Variants in SPX observed in about 807,000 individuals in gnomAD.
The protein encoded by SPX is spexin.
Under a neutral mutation model 19.2 loss-of-function variants are expected in SPX, and 22 were observed. That is an observed-to-expected ratio of 1.15 (90% CI 0.82 to 1.64). The LOEUF (loss-of-function observed/expected upper bound fraction) is 1.64. Ranked by LOEUF, SPX falls within the 40% of genes most tolerant of loss-of-function variation. The pLI, the probability that SPX is intolerant of heterozygous loss-of-function variation, is 0.00. For missense variants in SPX, 143 were observed against 137.7 expected, an observed-to-expected ratio of 1.04 and a Z score of -0.19; for synonymous variants, 50 against 53.3, an observed-to-expected ratio of 0.94 and a Z score of 0.27.
intron 4 of SPX, chr12:21,528,026 G>C (rs1591768681): frequency 1.9e-6 from 1 of 527,242 alleles, no homozygotes; most frequent in South Asian, 2.3e-5. Context: ...ATGGTGGCAA[G>C]GGCGGCCCAG....
chr12:21,528,379 A>G (rs1943834863), intron 4 of SPX, among the ~76,000 whole-genome samples: 1 of 152,214 alleles, frequency 6.6e-6, no homozygotes, highest in Admixed American at 6.5e-5. Context: ...GTTCTTTTTC[A>G]TGATAAACCT....
At chr12:21,528,598 G>T (rs1943836638) in intron 4 of SPX, among the ~76,000 whole-genome samples, 1 of 152,184 alleles carries the variant, frequency 6.6e-6, no homozygotes, top group Non-Finnish European at 1.5e-5. Flanking sequence ...CTCAACTTCA[G>T]TTGCCCCAAA....
chr12:21,527,238 T>C, intron 3 of SPX, 46 bp downstream of exon 3: 1 of 1,541,750 alleles, frequency 6.5e-7, no homozygotes, highest in Non-Finnish European at 9.0e-7. Context: ...GGAAGACCCC[T>C]AGGAGTCAGG....
Position 21,532,330 on chromosome 12 carries a change from C to T in SPX, c.*1135C>T, listed in dbSNP as rs1343025195. On this transcript the variant is annotated 3_prime_UTR_variant, in exon 6 of 6. Transcript: ENST00000256969. ...TCAGTATTTAGCCATTATTTAGTAG[C>T]TCAAGAATATCTTTATGTGAATGTC... 1 of 152,150 alleles carries T rather than the reference C, an allele frequency of 6.6e-6. No individual in the cohort carries two copies. The highest frequency in any genetic ancestry group is 2.4e-5 in the African/African-American group (1 of 41,438). The allele number at this position is 152,150 out of a possible 1,614,324, so 9.4% of individuals were successfully genotyped here.
chr12:21,526,930 G>A lies in SPX; in HGVS notation c.51G>A (p.Val17=), dbSNP rs751007811. The change falls in exon 2 of 6, where the codon GTG becomes GTA. Residue 17 remains valine, a synonymous_variant. Coordinates refer to ENST00000256969, the MANE Select transcript of SPX (RefSeq NM_030572.4). ...CAACAACCTTGGCTCTTTTCCTGGT[G>A]TTTGTTTTCCTGGGAAACTCCAGCT... ...LAATTLALFL[V]FVFLGNSSCA... is the part of the protein sequence containing the mutation. The A allele has an allele frequency of 4.3e-6, 7 of 1,614,080 alleles. No homozygotes were observed. Among genetic ancestry groups the A allele is most frequent in the Middle Eastern group, 1.6e-4 (1 of 6,084 alleles).
chr12:21,527,978 C>T (rs1003794381), intron 4 of SPX, 189 bp downstream of exon 4: 28 of 597,730 alleles, frequency 4.7e-5, no homozygotes, highest in Non-Finnish European at 7.6e-5. Flanking sequence ...GGATGCCGAG[C>T]GCCGGAGCTG....
intron 5 of SPX, among the ~76,000 whole-genome samples, chr12:21,530,812 G>T (rs554326564): frequency 6.6e-6 from 1 of 152,128 alleles, no homozygotes; most frequent in Non-Finnish European, 1.5e-5. Context: ...TATTTTAATG[G>T]TGGGTATTTT....
chr12:21,528,604 C>A (rs920589975), intron 4 of SPX, among the ~76,000 whole-genome samples: 2 of 152,036 alleles, frequency 1.3e-5, no homozygotes, highest in Admixed American at 6.5e-5. Context: ...TTCAGTTGCC[C>A]CAAATTAGAA....
Position 21,532,092 on chromosome 12 carries a change from C to G in SPX, c.*897C>G, listed in dbSNP as rs754491006. 6.6e-6 allele frequency: 1 copy of G among 152,150 alleles called. No individual in the cohort carries two copies. Among genetic ancestry groups the G allele is most frequent in the South Asian group, 2.1e-4 (1 of 4,830 alleles). The allele number at this position is 152,150 out of a possible 1,614,324, so 9.4% of individuals were successfully genotyped here. A position where few individuals can be genotyped will look rare whatever the true frequency, so the allele number is the denominator to read the frequency against. On this transcript the variant is annotated 3_prime_UTR_variant, in exon 6 of 6. Transcript: ENST00000256969. ...ATAAGTGCACAGTAATATGCCTGAT[C>G]TCTTCCTTTTTAAAAGCCAACTTGA...
rs1016424855 is a variant in SPX, at chr12:21,527,412, T to C, written c.145+220T>C. 9 of 608,160 alleles carry C rather than the reference T, an allele frequency of 1.5e-5. No individual in the cohort carries two copies. In the African/African-American group the frequency reaches 1.7e-4, roughly 11 times the overall value. 37.7% of individuals were successfully genotyped at this position (608,160 alleles called of 1,614,324 possible). Reference sequence around the variant, plus strand: ...TTATTAGAAATTCTCCATCCAAAACTGGAGGGTTGCTTCTCTTGGTCCAAA... The same window carrying C: ...TTATTAGAAATTCTCCATCCAAAACCGGAGGGTTGCTTCTCTTGGTCCAAA... On this transcript the variant is annotated intron_variant, in intron 3 of 5. Coordinates refer to ENST00000256969, the MANE Select transcript of SPX (RefSeq NM_030572.4).
chr12:21,526,812 C>G (rs762809938), intron 1 of SPX, 74 bp from the exon 2 acceptor site: 2 of 1,377,198 alleles, frequency 1.5e-6, no homozygotes, highest in Non-Finnish European at 2.1e-6. Context: ...TTATAATTGT[C>G]CAGGCGTCAA....
At position 21,531,263 on chromosome 12, in the gene SPX, C is replaced by T. The variant is rs1377221227; in HGVS notation, c.*68C>T. ...AAAACATGAACCATGTGAATAAAAC[C>T]TTTGGACCCTTTTATTCCATTTGTA... On this transcript the variant is annotated 3_prime_UTR_variant, in exon 6 of 6. Transcript: ENST00000256969. 2 of 1,147,726 alleles carry T rather than the reference C, an allele frequency of 1.7e-6. No homozygotes were observed. The highest frequency in any genetic ancestry group is 5.0e-5 in the East Asian group (2 of 40,032). 71.1% of individuals were successfully genotyped at this position (1,147,726 alleles called of 1,614,324 possible).
In SPX at chr12:21,527,761, A is replaced by G. The variant is rs746260823; in HGVS notation, c.180A>G (p.Arg60=). 1.3e-6 allele frequency: 2 copies of G among 1,572,934 alleles called. No homozygotes were observed. The highest frequency in any genetic ancestry group is 2.3e-5 in the South Asian group (2 of 85,506). The change falls in exon 4 of 6, where the codon AGA becomes AGG. Residue 60 remains arginine, a synonymous_variant. Transcript: ENST00000256969. Reference sequence around the variant, plus strand: ...GCTTCATCTCCGACCAGAGCCGGAGAAAGGACCTCTCCGACCGGCCACTGC... The same window carrying G: ...GCTTCATCTCCGACCAGAGCCGGAGGAAGGACCTCTCCGACCGGCCACTGC... ...GRRFISDQSR[R]KDLSDRPLPE...
chr12:21,528,994 T>G lies in SPX; in HGVS notation c.209-7T>G. 6.2e-7 allele frequency: 1 copy of G among 1,612,396 alleles called. No homozygotes were observed. The highest frequency in any genetic ancestry group is 8.5e-7 in the Non-Finnish European group (1 of 1,178,376). ...AAGAGAATCTGTATACATTTTTGTTTCTGCAGAAAGACGAAGCCCAAATCC... is the reference window on the plus strand; with the variant it reads ...AAGAGAATCTGTATACATTTTTGTTGCTGCAGAAAGACGAAGCCCAAATCC... On this transcript the variant is annotated splice_region_variant and splice_polypyrimidine_tract_variant and intron_variant, in intron 4 of 5. Transcript: ENST00000256969.
In SPX at chr12:21,531,272, C is replaced by A. The variant is rs1237286088; in HGVS notation, c.*77C>A. 1 of 1,051,538 alleles carries A rather than the reference C, an allele frequency of 9.5e-7. No homozygotes were observed. The highest frequency in any genetic ancestry group is 1.4e-6 in the Non-Finnish European group (1 of 727,056). The allele number at this position is 1,051,538 out of a possible 1,614,324, so 65.1% of individuals were successfully genotyped here. On this transcript the variant is annotated 3_prime_UTR_variant, in exon 6 of 6. Coordinates refer to ENST00000256969, the MANE Select transcript of SPX (RefSeq NM_030572.4). ...ACCATGTGAATAAAACCTTTGGACC[C>A]TTTTATTCCATTTGTAATCTTAAGA...
At chr12:21,527,861 C>G (rs1419089061) in intron 4 of SPX, 72 bp downstream of exon 4, 1 of 1,476,106 alleles carries the variant, frequency 6.8e-7, no homozygotes, top group Non-Finnish European at 9.2e-7. Context: ...GGGCTTGCTC[C>G]GCGCTGGTGC....
At chr12:21,526,640 T>A (rs1471468886) in intron 1 of SPX, among the ~76,000 whole-genome samples, 162 bp downstream of exon 1, 6 of 152,202 alleles carry the variant, frequency 3.9e-5, no homozygotes, top group Admixed American at 1.3e-4. Flanking sequence ...AAGAAAAAAA[T>A]TCACGTATTT....
intron 3 of SPX, 78 bp from the exon 4 acceptor site, chr12:21,527,649 G>A: frequency 1.4e-6 from 2 of 1,418,850 alleles, no homozygotes; most frequent in Non-Finnish European, 1.9e-6. Flanking sequence ...GGACTGCGCT[G>A]TGCCGGGAGG....
At chr12:21,529,887 C>T (rs921682954) in intron 5 of SPX, among the ~76,000 whole-genome samples, 2 of 152,014 alleles carry the variant, frequency 1.3e-5, no homozygotes, top group African/African-American at 2.4e-5. Flanking sequence ...GGAGTCAGTA[C>T]GAAAAGAGCT....
Sources: allele counts gnomAD v4.1 joint callset (sites outside exome capture counted in the v4.1 genomes callset), GRCh38; gene constraint gnomAD v4.1.1; transcripts MANE v1.5; gene names NCBI Gene and HGNC (gene_info 2026-07-23, HGNC 2026-07-21).